The following GRIP2 variants were observed in gnomAD, a reference collection of about 807,000 sequenced individuals.
GRIP2 encodes the protein glutamate receptor interacting protein 2.
In GRIP2, 58 loss-of-function variants were observed where a neutral mutation model predicts 108.3. The ratio of observed to expected loss-of-function variants is 0.54; its 90% CI spans 0.43 to 0.67. GRIP2 has a LOEUF of 0.67. Ranked by LOEUF, GRIP2 falls within the 30% of genes least tolerant of loss-of-function variation. The pLI is 0.00. For missense variants in GRIP2, 1,278 were observed against 1,430.6 expected (o/e 0.89, Z 1.72); for synonymous variants, 586 against 598.2 (o/e 0.98, Z 0.30).
chr3:14,529,721 T>G (rs75025956), intron 1 of GRIP2, among the ~76,000 whole-genome samples: 4,492 of 152,276 alleles, frequency 0.029, 208 homozygotes, highest in African/African-American at 0.1. Flanking sequence ...ATTTTTCCAT[T>G]ATCTCAAACT....
intron 21 of GRIP2, among the ~76,000 whole-genome samples, chr3:14,500,944 A>G (rs1306189501): frequency 6.6e-6 from 1 of 152,212 alleles, no homozygotes; most frequent in East Asian, 1.9e-4. Flanking sequence ...GAGGAGGACA[A>G]AGGTATTGCT....
the GRIP2 span, among the ~76,000 whole-genome samples, chr3:14,571,614 C>T: frequency 1.3e-5 from 2 of 152,122 alleles, no homozygotes; most frequent in African/African-American, 2.4e-5. Context: ...AAGTGGTCAT[C>T]GAGAACCAGG....
At chr3:14,498,226 C>T (rs1384701173) in intron 21 of GRIP2, among the ~76,000 whole-genome samples, 3 of 152,108 alleles carry the variant, frequency 2.0e-5, no homozygotes, top group Non-Finnish European at 4.4e-5. Context: ...CTTTGGGAGG[C>T]GGAGGCAGGA....
the GRIP2 span, among the ~76,000 whole-genome samples, chr3:14,585,674 C>A: frequency 6.6e-6 from 1 of 152,216 alleles, no homozygotes; most frequent in African/African-American, 2.4e-5. Context: ...CAAACCTCAG[C>A]CCCCCAGCTT....
At chr3:14,588,885 C>T in the GRIP2 span, among the ~76,000 whole-genome samples, 2 of 152,182 alleles carry the variant, frequency 1.3e-5, no homozygotes, top group African/African-American at 4.8e-5. Context: ...GGCTATCCAT[C>T]CAGGGACCTC....
At chr3:14,546,383 C>G (rs890047626), upstream of GRIP2, among the ~76,000 whole-genome samples, 4 of 152,140 alleles carry the variant, frequency 2.6e-5, no homozygotes. Context: ...GCAATGGCAA[C>G]TACCGGGAGT....
chr3:14,494,058 C>T (rs1412329953), intron 23 of GRIP2, among the ~76,000 whole-genome samples: 1 of 152,206 alleles, frequency 6.6e-6, no homozygotes, highest in Non-Finnish European at 1.5e-5. Flanking sequence ...CCTTTCATAC[C>T]CCTCTAACTC....
exon 1 of GRIP2, chr3:14,556,066 T>C (rs1336570460): frequency 2.5e-6 from 1 of 398,276 alleles, no homozygotes; most frequent in Non-Finnish European, 4.4e-6. Flanking sequence ...TGGCACAGGC[T>C]GGGCGCTCCC....
upstream of GRIP2, among the ~76,000 whole-genome samples, chr3:14,557,543 G>T (rs186038547): frequency 2.1e-3 from 319 of 152,348 alleles, 1 homozygote; most frequent in African/African-American, 7.4e-3. Flanking sequence ...AGACTCTGCT[G>T]AGGGATTCTG....
rs1258267673 is a variant in GRIP2, at chr3:14,517,875, C to G, written c.1053G>C (p.Gln351His). 5 of 1,587,150 alleles carry G rather than the reference C, an allele frequency of 3.2e-6. No homozygotes were observed. In the African/African-American group the frequency reaches 4.0e-5, roughly 13 times the overall value. ...GCACGCAGGGGTCCCAGCGGTGCAG[C>G]TGCTCACTCCTCTGCACTTTCACTG... Reference protein sequence around the residue: ...SEAVKVQRSEQLHRWDPCVPS... With the variant: ...SEAVKVQRSEHLHRWDPCVPS... The change falls in exon 10 of 24, where the codon CAG (glutamine) becomes CAC (histidine). Residue 351 changes from glutamine to histidine, a missense_variant. Transcript: ENST00000621039.
At chr3:14,573,068 G>C in the GRIP2 span, 1 of 1,392,900 alleles carries the variant, frequency 7.2e-7, no homozygotes. Context: ...AGAAGGCGAA[G>C]GAGAGAAAGA....
the GRIP2 span, among the ~76,000 whole-genome samples, chr3:14,599,681 CTCTCTGTG>C: frequency 5.3e-4 from 69 of 130,574 alleles, no homozygotes; most frequent in African/African-American, 1.4e-3. Context: ...CTCTCTCTCT[CTCTCTGTG>C]TGTGTGTGTG....
At chr3:14,569,173 C>T in the GRIP2 span, among the ~76,000 whole-genome samples, 7 of 152,310 alleles carry the variant, frequency 4.6e-5, no homozygotes, top group African/African-American at 9.6e-5. Flanking sequence ...GCAGTGGACT[C>T]GGGGCCTCCT....
the GRIP2 span, among the ~76,000 whole-genome samples, chr3:14,579,477 C>T: frequency 1.3e-5 from 2 of 152,140 alleles, no homozygotes; most frequent in Non-Finnish European, 2.9e-5. Flanking sequence ...CGTGTGTGAT[C>T]GGATGGGAGG....
At chr3:14,602,484 G>T in the GRIP2 span, among the ~76,000 whole-genome samples, 18 of 152,082 alleles carry the variant, frequency 1.2e-4, no homozygotes, top group African/African-American at 4.3e-4. This position sits in a 1 kb window ranked among gnomAD's most constrained non-coding sequence, Gnocchi z 4.7. Context: ...GACCCCCACC[G>T]TGAGCGCGGC....
Position 14,494,845 on chromosome 3 carries a change from G to GT in GRIP2, c.2967_2968insA (p.Gln990ThrfsTer24), listed in dbSNP as rs769407896. 1 of 1,612,452 alleles carries GT rather than the reference G, an allele frequency of 6.2e-7. No homozygotes were observed. The highest frequency in any genetic ancestry group is 8.5e-7 in the Non-Finnish European group (1 of 1,178,984). On this transcript the variant is annotated frameshift_variant, in exon 23 of 24. Transcript: ENST00000621039. LOFTEE classifies it high-confidence loss of function. The stretch of plus-strand genomic sequence containing the variant: ...TGGAGCCCCTGCCCCAGCATTACCT[G>GT]CAGGACCCTGTCGAAGGGCTGGAGG...
At chr3:14,573,894 G>T in the GRIP2 span, 1 of 1,204,976 alleles carries the variant, frequency 8.3e-7, no homozygotes, top group Non-Finnish European at 1.2e-6. Flanking sequence ...CAGGCAGCCC[G>T]ACCTGTCGTT....
the GRIP2 span, among the ~76,000 whole-genome samples, chr3:14,587,874 G>A: frequency 6.6e-6 from 1 of 152,168 alleles, no homozygotes; most frequent in Non-Finnish European, 1.5e-5. Context: ...GGTAGGCAGG[G>A]CTCCTCCTCA....
intron 1 of GRIP2, among the ~76,000 whole-genome samples, chr3:14,530,770 T>C (rs1694689789): frequency 6.6e-6 from 1 of 152,234 alleles, no homozygotes; most frequent in Non-Finnish European, 1.5e-5. Flanking sequence ...ATGGGGTAGA[T>C]GAGATATTTT....
Sources: allele counts gnomAD v4.1 joint callset (sites outside exome capture counted in the v4.1 genomes callset), GRCh38; gene constraint gnomAD v4.1.1; non-coding constraint Gnocchi (gnomAD v3.1); transcripts MANE v1.5; gene names NCBI Gene and HGNC (gene_info 2026-07-23, HGNC 2026-07-21).